Variants in MBNL1 observed in about 807,000 individuals in gnomAD.
MBNL1 encodes muscleblind-like protein 1.
Under a neutral mutation model 42.2 loss-of-function variants are expected in MBNL1, and 8 were observed. The observed-to-expected ratio is 0.19, with a 90% CI of 0.11 to 0.34. The LOEUF is 0.34. Among genes scored for constraint, MBNL1 ranks in the 10% least tolerant of loss-of-function variants. The probability of loss-of-function intolerance (pLI) is 1.00; values close to 1 mark genes in which losing one functional copy is unlikely to be tolerated. For synonymous variants in MBNL1, 169 were observed against 173.9 expected (o/e 0.97, Z 0.22); for missense variants, 309 against 495.3 (o/e 0.62, Z 3.57).
chr3:152,300,912 C>G (rs2060475503), intron 2 of MBNL1: 15 of 983,490 alleles, frequency 1.5e-5, no homozygotes, highest in Non-Finnish European at 1.8e-5. Context: ...GAAAATGTAA[C>G]TAGAAGTAAG....
intron 3 of MBNL1, among the ~76,000 whole-genome samples, chr3:152,420,952 A>T (rs776287879): frequency 3.3e-5 from 5 of 152,238 alleles, no homozygotes; most frequent in Non-Finnish European, 4.4e-5. Context: ...AAAACACAGC[A>T]TGAGAAGTTC....
chr3:152,350,393 T>C (rs552905208), intron 2 of MBNL1, among the ~76,000 whole-genome samples: 80 of 152,194 alleles, frequency 5.3e-4, no homozygotes, highest in African/African-American at 1.9e-3. Context: ...TGGGAGGTAA[T>C]GCATGAGGCC....
chr3:152,276,592 A>G (rs1016045166), intron 1 of MBNL1, among the ~76,000 whole-genome samples: 1 of 152,080 alleles, frequency 6.6e-6, no homozygotes, highest in Non-Finnish European at 1.5e-5. Context: ...AAGAGATTCC[A>G]GAAGAATGGG....
chr3:152,445,360 A>C lies in MBNL1; in HGVS notation c.628A>C (p.Met210Leu). The C allele has an allele frequency of 6.2e-7, 1 of 1,614,136 alleles. No homozygotes were observed. The highest frequency in any genetic ancestry group is 8.5e-7 in the Non-Finnish European group (1 of 1,179,994). ...CRFAHPADST[M>L]IDTNDNTVTV... ...GTTTGCTCATCCTGCTGACAGCACAATGATTGACACCAATGACAACACAGT... is the reference window on the plus strand; with the variant it reads ...GTTTGCTCATCCTGCTGACAGCACACTGATTGACACCAATGACAACACAGT... The change falls in exon 5 of 10, where the codon ATG (methionine) becomes CTG (leucine). Residue 210 changes from methionine to leucine, a missense_variant. Met to Leu is a conservative substitution (Grantham distance 15). Coordinates refer to ENST00000324210, the MANE Select transcript of MBNL1 (RefSeq NM_021038.5).
intron 2 of MBNL1, among the ~76,000 whole-genome samples, chr3:152,412,231 A>G (rs1309420624): frequency 6.6e-6 from 1 of 152,234 alleles, no homozygotes. Flanking sequence ...AAACTTCCTA[A>G]GAAGCAAAGT....
intron 2 of MBNL1, among the ~76,000 whole-genome samples, chr3:152,315,327 G>T (rs1320069775): frequency 6.6e-6 from 1 of 152,116 alleles, no homozygotes; most frequent in Non-Finnish European, 1.5e-5. Flanking sequence ...TCAAGGGGGG[G>T]TTAACACCTT....
In MBNL1 at chr3:152,407,209, C is replaced by CTTTTTTTTTTTTT. The variant is rs60509782; in HGVS notation, c.175-7718_175-7706dup. Among the ~76,000 whole-genome samples the CTTTTTTTTTTTTT allele has an allele frequency of 1.8e-3, 100 of 54,358 alleles. 9 individuals are homozygous for CTTTTTTTTTTTTT. Among genetic ancestry groups the CTTTTTTTTTTTTT allele is most frequent in the Non-Finnish European group, 2.9e-3 (71 of 24,492 alleles). 35.7% of individuals were successfully genotyped at this position (54,358 alleles called of 152,430 possible). Reference sequence around the variant, plus strand: ...GGGATTATATCAGTGGAAATATGTTCTTTTTTTTTTTTTTTTTTTTTTTTT... The same window carrying CTTTTTTTTTTTTT: ...GGGATTATATCAGTGGAAATATGTTCTTTTTTTTTTTTTTTTTTTTTTTTTTTTTTTTTTTTTT... On this transcript the variant is annotated intron_variant, in intron 2 of 9. Coordinates refer to ENST00000324210, the MANE Select transcript of MBNL1 (RefSeq NM_021038.5).
At chr3:152,269,907 A>G in intron 1 of MBNL1, 1 of 123,414 alleles carries the variant, frequency 8.1e-6, no homozygotes, top group Non-Finnish European at 1.7e-5. Flanking sequence ...ATATGTAGCC[A>G]CCCCCCAACT....
rs761428163 is a variant in MBNL1, at chr3:152,415,070, C to G, written c.304C>G (p.Leu102Val). ...NMAMLAQQMQ[L>V]ANAMMPGAPL... ...GGCCATGTTGGCCCAGCAAATGCAA[C>G]TAGCCAATGCCATGATGCCTGGTGC... The change falls in exon 3 of 10, where the codon CTA becomes GTA. Residue 102 changes from leucine (L) to valine (V), a missense_variant. By Grantham distance (32) the Leu-to-Val change is conservative. Transcript: ENST00000324210. 6.2e-7 allele frequency: 1 copy of G among 1,606,080 alleles called. No homozygotes were observed. Among genetic ancestry groups the G allele is most frequent in the Non-Finnish European group, 8.5e-7 (1 of 1,176,652 alleles).
chr3:152,412,941 G>A (rs866326680), intron 2 of MBNL1, among the ~76,000 whole-genome samples: 6 of 152,122 alleles, frequency 3.9e-5, no homozygotes, highest in African/African-American at 4.8e-5. Flanking sequence ...ACTATGATGC[G>A]GAGATACTGA....
chr3:152,346,569 T>A (rs1396159511), intron 2 of MBNL1, among the ~76,000 whole-genome samples: 1 of 152,136 alleles, frequency 6.6e-6, no homozygotes, highest in African/African-American at 2.4e-5. Flanking sequence ...ATAATTTAAT[T>A]CCAATTTTAC....
At chr3:152,292,089 G>A (rs62272732) in intron 1 of MBNL1, among the ~76,000 whole-genome samples, 1 of 152,186 alleles carries the variant, frequency 6.6e-6, no homozygotes, top group South Asian at 2.1e-4. Context: ...ATGGTGGCCT[G>A]AAAATCTTCT....
chr3:152,459,518 A>AAT (rs1740638118), intron 9 of MBNL1, among the ~76,000 whole-genome samples, 173 bp downstream of exon 9: 3 of 152,232 alleles, frequency 2.0e-5, no homozygotes, highest in Admixed American at 2.0e-4. Flanking sequence ...CAAATATGTT[A>AAT]ATATCACTTA....
chr3:152,406,367 A>T (rs2098426327), intron 2 of MBNL1, among the ~76,000 whole-genome samples: 1 of 152,224 alleles, frequency 6.6e-6, no homozygotes, highest in African/African-American at 2.4e-5. Flanking sequence ...ATTTCTTCAG[A>T]TGACTATCAG....
intron 2 of MBNL1, among the ~76,000 whole-genome samples, chr3:152,395,854 C>A (rs754222287): frequency 6.6e-5 from 10 of 152,336 alleles, no homozygotes; most frequent in Non-Finnish European, 1.3e-4. Flanking sequence ...TGCCATTTTA[C>A]CTATCAGGCC....
intron 1 of MBNL1, among the ~76,000 whole-genome samples, chr3:152,290,536 G>A (rs1421396310): frequency 1.3e-5 from 2 of 152,014 alleles, no homozygotes; most frequent in East Asian, 3.8e-4. Flanking sequence ...TCTTAGTTCT[G>A]TGATCAATTA....
chr3:152,440,480 A>G (rs1047458903), intron 4 of MBNL1, among the ~76,000 whole-genome samples: 8 of 152,180 alleles, frequency 5.3e-5, no homozygotes, highest in Non-Finnish European at 5.9e-5. Flanking sequence ...AAACCATCAG[A>G]TGTCATGAGA....
intron 1 of MBNL1, 177 bp from the exon 2 acceptor site, chr3:152,299,228 C>T (rs568193252): frequency 1.3e-5 from 2 of 153,262 alleles, no homozygotes; most frequent in South Asian, 2.1e-4. Flanking sequence ...AATAAATCTA[C>T]GATGGCTGGC....
chr3:152,265,044 C>G (rs1169466881), upstream of MBNL1: 2 of 152,074 alleles, frequency 1.3e-5, no homozygotes, highest in African/African-American at 4.8e-5. Flanking sequence ...TTCTTTCTCT[C>G]AAGTATATGT....
Sources: gnomAD v4.1 joint callset for allele counts (sites outside exome capture counted in the v4.1 genomes callset) on GRCh38, gnomAD v4.1.1 for gene constraint, MANE v1.5 for transcripts, NCBI Gene and HGNC (gene_info 2026-07-23, HGNC 2026-07-21) for gene names.